The following CSMD1 variants were observed in gnomAD, a reference collection of about 807,000 sequenced individuals.
The protein encoded by CSMD1 is CUB and Sushi multiple domains 1.
A neutral mutation model predicts 417.5 loss-of-function variants in CSMD1; 213 were observed. The observed-to-expected ratio is 0.51, with a 90% CI of 0.46 to 0.57. The LOEUF (loss-of-function observed/expected upper bound fraction) is 0.57, where lower values mean the gene tolerates loss of function less well. Ranked by LOEUF, CSMD1 falls within the 20% of genes least tolerant of loss-of-function variation. The pLI is 0.00. For missense variants in CSMD1, 6,923 were observed against 4,529.7 expected, an observed-to-expected ratio of 1.53 and a Z score of -15.17; for synonymous variants, 2,862 against 1,736.8, an observed-to-expected ratio of 1.65 and a Z score of -16.11.
rs183067991 is a variant in CSMD1 at position 4,185,070 on chromosome 8, C to G, written c.416-152971G>C. Among the ~76,000 whole-genome samples, 1,025 of 136,914 alleles carry G rather than the reference C, an allele frequency of 7.5e-3. 14 individuals carry two copies. The highest frequency in any genetic ancestry group is 0.028 in the African/African-American group (992 of 36,028). 89.8% of individuals were successfully genotyped at this position (136,914 alleles called of 152,430 possible). A position where few individuals can be genotyped will look rare whatever the true frequency, so the allele number is the denominator to read the frequency against. ...AGGAGAATGGCTAGAGCCTGGGAGG[C>G]AGAGGTTGCAGTGAGCCAAGATCGC... is the stretch of plus-strand genomic sequence containing the variant. On this transcript the variant is annotated intron_variant, in intron 3 of 69. Transcript: ENST00000635120.
chr8:3,518,957 A>G (rs1159070845), intron 10 of CSMD1, among the ~76,000 whole-genome samples: 1 of 152,198 alleles, frequency 6.6e-6, no homozygotes, highest in Non-Finnish European at 1.5e-5. Flanking sequence ...TTTCAACACA[A>G]CAATGTTATG....
In CSMD1 at chr8:4,029,420, G is replaced by C. The variant is rs534118069; in HGVS notation, c.610+2485C>G. Among the ~76,000 whole-genome samples, 4 of 152,270 alleles carry C rather than the reference G, an allele frequency of 2.6e-5. No individual in the cohort carries two copies. In the South Asian group the frequency reaches 8.3e-4, roughly 32 times the overall value. Reference sequence around the variant, plus strand: ...CATGGTGGAAGGCAAGGAGGACCTAGCCACGTCTTATATGGATAGCAGCAG... The same window carrying C: ...CATGGTGGAAGGCAAGGAGGACCTACCCACGTCTTATATGGATAGCAGCAG... On this transcript the variant is annotated intron_variant, in intron 4 of 69. Transcript: ENST00000635120.
chr8:3,284,055 A>G, intron 26 of CSMD1, 89 bp downstream of exon 26: 2 of 1,063,298 alleles, frequency 1.9e-6, no homozygotes, highest in Non-Finnish European at 2.8e-6. Flanking sequence ...CTGTGTAAGG[A>G]GACGCTGGTG....
intron 3 of CSMD1, among the ~76,000 whole-genome samples, chr8:4,040,572 G>T (rs1026087837): frequency 6.6e-6 from 1 of 152,190 alleles, no homozygotes; most frequent in Admixed American, 6.5e-5. Flanking sequence ...TGTTCACAAT[G>T]GAGGTTAGTT....
In CSMD1 at chr8:3,268,229, C is replaced by T. The variant is rs190227032; in HGVS notation, c.4153+15915G>A. Among the ~76,000 whole-genome samples the T allele has an allele frequency of 7.4e-3, 1,068 of 144,546 alleles. 11 individuals carry two copies. Among genetic ancestry groups the T allele is most frequent in the African/African-American group, 0.025 (1,002 of 39,612 alleles). The allele number at this position is 144,546 out of a possible 152,430, so 94.8% of individuals were successfully genotyped here. On this transcript the variant is annotated intron_variant, in intron 26 of 69. Transcript: ENST00000635120. ...GAATGATTACACTAGTGCCATCATG[C>T]ACACAATGAGGCCAGGGCGACTTTC... is the stretch of plus-strand genomic sequence containing the variant.
At chr8:4,446,755 C>CTGTGTGTGTGTGTGTGTGTGTGTGTGTG (rs58002310) in intron 2 of CSMD1, among the ~76,000 whole-genome samples, 1 of 132,950 alleles carries the variant, frequency 7.5e-6, no homozygotes, top group Admixed American at 7.5e-5. Context: ...GTGTGTGTGT[C>CTGTGTGTGTGTGTGTGTGTGTGTGTGTG]TGTGTGTGTG....
At chr8:3,091,009 G>A (rs986214905) in intron 48 of CSMD1, among the ~76,000 whole-genome samples, 1 of 151,574 alleles carries the variant, frequency 6.6e-6, no homozygotes, top group South Asian at 2.1e-4. Context: ...ATTTTGATGA[G>A]GAATATATAT....
At chr8:3,127,544 G>C (rs1817573008) in intron 41 of CSMD1, 1 of 152,056 alleles carries the variant, frequency 6.6e-6, no homozygotes, top group Non-Finnish European at 1.5e-5. Context: ...ACAAACTATA[G>C]CCTATTTTCT....
chr8:3,716,475 G>C (rs749607052), intron 6 of CSMD1, among the ~76,000 whole-genome samples: 6 of 152,178 alleles, frequency 3.9e-5, no homozygotes, highest in East Asian at 1.9e-4. Context: ...GAGTAACTTT[G>C]TGATGCTGCA....
At chr8:3,209,642 G>C (rs1797492444) in intron 30 of CSMD1, among the ~76,000 whole-genome samples, 1 of 152,116 alleles carries the variant, frequency 6.6e-6, no homozygotes, top group East Asian at 1.9e-4. Context: ...TAATTGTTAT[G>C]TCTGCATTAC....
chr8:4,568,764 A>G (rs909082025), intron 2 of CSMD1, among the ~76,000 whole-genome samples: 1 of 152,128 alleles, frequency 6.6e-6, no homozygotes, highest in African/African-American at 2.4e-5. Context: ...CTAATTCTCC[A>G]TAACCTCTCC....
In CSMD1 at chr8:4,247,162, TC is replaced by T. The variant is rs1299070663; in HGVS notation, c.415+172790del. ...CCTCAATATTGCTTTCTTTTCCGCA[TC>T]TTTTTTATGCTCTATAACACAGTTT... On this transcript the variant is annotated intron_variant, in intron 3 of 69. Coordinates refer to ENST00000635120, the MANE Select transcript of CSMD1 (RefSeq NM_033225.6). 5.3e-5 allele frequency among the ~76,000 whole-genome samples: 8 copies of T among 152,344 alleles called. No individual in the cohort carries two copies. The East Asian group carries it at 1.2e-3, about 22-fold the overall frequency.
At chr8:4,150,669 T>C (rs1408888569) in intron 3 of CSMD1, among the ~76,000 whole-genome samples, 1 of 152,132 alleles carries the variant, frequency 6.6e-6, no homozygotes, top group African/African-American at 2.4e-5. Flanking sequence ...AGGGTGCAGA[T>C]AAGGAGTGTT....
At chr8:4,620,040 T>C (rs1468401490) in intron 2 of CSMD1, among the ~76,000 whole-genome samples, 1 of 152,036 alleles carries the variant, frequency 6.6e-6, no homozygotes, top group Non-Finnish European at 1.5e-5. Flanking sequence ...AAAATTAGAA[T>C]AGTATGGTGA....
intron 8 of CSMD1, among the ~76,000 whole-genome samples, chr8:3,597,691 A>G (rs964425662): frequency 6.6e-6 from 1 of 152,222 alleles, no homozygotes; most frequent in Non-Finnish European, 1.5e-5. Context: ...TTGCAGGGAC[A>G]TGGATGAAAC....
At chr8:4,193,721 C>G (rs11985852) in intron 3 of CSMD1, among the ~76,000 whole-genome samples, 1 of 151,982 alleles carries the variant, frequency 6.6e-6, no homozygotes, top group African/African-American at 2.4e-5. Context: ...GCAGGAACCA[C>G]GTCTCCACAG....
chr8:3,032,442 T>C (rs996924602), intron 50 of CSMD1, among the ~76,000 whole-genome samples: 8 of 152,008 alleles, frequency 5.3e-5, no homozygotes, highest in Non-Finnish European at 1.0e-4. Context: ...CCCCACGGAA[T>C]GGTGGGCCCT....
intron 25 of CSMD1, among the ~76,000 whole-genome samples, chr8:3,291,569 C>T (rs546753007): frequency 2.7e-4 from 41 of 152,202 alleles, no homozygotes; most frequent in African/African-American, 8.2e-4. Context: ...ATGTATGTGT[C>T]GAGGAATTTA....
At chr8:4,216,145 A>C (rs953169986) in intron 3 of CSMD1, among the ~76,000 whole-genome samples, 2 of 151,778 alleles carry the variant, frequency 1.3e-5, no homozygotes, top group African/African-American at 4.8e-5. Flanking sequence ...ATGTAATCCC[A>C]TTTTTTCACA....
Sources: allele counts gnomAD v4.1 joint callset (sites outside exome capture counted in the v4.1 genomes callset), GRCh38; gene constraint gnomAD v4.1.1; transcripts MANE v1.5; gene names NCBI Gene and HGNC (gene_info 2026-07-23, HGNC 2026-07-21).